ADCK1: variants seen among roughly 807,000 people sequenced by gnomAD.
ADCK1 encodes the protein aarF domain-containing protein kinase 1.
In ADCK1, 41 loss-of-function variants were observed where a neutral mutation model predicts 52.3. The observed-to-expected ratio is 0.78, with a 90% CI of 0.61 to 1.02. ADCK1 has a LOEUF of 1.02. ADCK1 is among the 50% of genes least tolerant of loss of function. ADCK1 has a pLI of 0.00. For missense variants in ADCK1, 658 were observed against 679.5 expected (o/e 0.97, Z 0.35); for synonymous variants, 250 against 274.6 (o/e 0.91, Z 0.89).
chr14:77,831,227 G>A (rs1566646213), intron 3 of ADCK1, among the ~76,000 whole-genome samples: 2 of 152,142 alleles, frequency 1.3e-5, no homozygotes, highest in South Asian at 4.1e-4. Flanking sequence ...GAGAGGAAGG[G>A]GTGAGCTGAG....
At chr14:77,848,712 C>T (rs1013674019) in intron 3 of ADCK1, among the ~76,000 whole-genome samples, 4 of 152,140 alleles carry the variant, frequency 2.6e-5, no homozygotes, top group Admixed American at 6.5e-5. Flanking sequence ...GTGATCCTCT[C>T]ACCTCAGCCT....
At chr14:77,839,194 G>T (rs1230245767) in intron 3 of ADCK1, among the ~76,000 whole-genome samples, 5 of 152,214 alleles carry the variant, frequency 3.3e-5, no homozygotes, top group Admixed American at 3.3e-4. Flanking sequence ...ATGTTTTTCA[G>T]CTGAAACTGA....
intron 4 of ADCK1, among the ~76,000 whole-genome samples, chr14:77,863,996 T>A (rs1242646742): frequency 6.6e-6 from 1 of 152,136 alleles, no homozygotes; most frequent in Non-Finnish European, 1.5e-5. Context: ...AATGCTTATA[T>A]TGGTGTCTGG....
At chr14:77,899,377 T>TCAGTAAGAGGA in intron 6 of ADCK1, 119 bp downstream of exon 6, 2 of 1,330,198 alleles carry the variant, frequency 1.5e-6, no homozygotes, top group Non-Finnish European at 2.1e-6. Flanking sequence ...TCCTGAGTCC[T>TCAGTAAGAGGA]CTTACTGAGG....
intron 1 of ADCK1, among the ~76,000 whole-genome samples, chr14:77,805,352 C>T (rs1214904722): frequency 1.4e-5 from 2 of 145,206 alleles, no homozygotes; most frequent in Non-Finnish European, 3.0e-5. Flanking sequence ...ACCTCCGCCA[C>T]CTGGGTTCAA....
intron 3 of ADCK1, among the ~76,000 whole-genome samples, chr14:77,855,143 A>G (rs2082391944): frequency 6.6e-6 from 1 of 152,234 alleles, no homozygotes; most frequent in South Asian, 2.1e-4. Flanking sequence ...GTGGCCTGGC[A>G]TGGCATGCCA....
At chr14:77,809,162 T>TG (rs72138336) in intron 1 of ADCK1, among the ~76,000 whole-genome samples, 4,436 of 151,834 alleles carry the variant, frequency 0.029, 212 homozygotes, top group African/African-American at 0.099. Context: ...TTGTGGTAGG[T>TG]GGAGAGGTGA....
At chr14:77,838,968 A>G (rs574656485) in intron 3 of ADCK1, among the ~76,000 whole-genome samples, 1 of 152,354 alleles carries the variant, frequency 6.6e-6, no homozygotes, top group East Asian at 1.9e-4. Context: ...CCAGGAGGAT[A>G]GGGGACTTGT....
At chr14:77,872,204 C>T (rs2082794294) in intron 4 of ADCK1, among the ~76,000 whole-genome samples, 1 of 152,208 alleles carries the variant, frequency 6.6e-6, no homozygotes, top group South Asian at 2.1e-4. Flanking sequence ...TTTCCCATCA[C>T]TTCCAGACAT....
At chr14:77,844,011 A>G (rs901162690) in intron 3 of ADCK1, among the ~76,000 whole-genome samples, 1 of 152,160 alleles carries the variant, frequency 6.6e-6, no homozygotes, top group Non-Finnish European at 1.5e-5. Context: ...CTCTGGCTGG[A>G]AAGAGACAGG....
At chr14:77,848,679 T>A (rs191783673) in intron 3 of ADCK1, among the ~76,000 whole-genome samples, 1 of 152,136 alleles carries the variant, frequency 6.6e-6, no homozygotes, top group Non-Finnish European at 1.5e-5. Flanking sequence ...TTGGCCAGGA[T>A]GATCTCCAAC....
At chr14:77,813,706 G>C (rs977055911) in intron 1 of ADCK1, among the ~76,000 whole-genome samples, 1 of 152,132 alleles carries the variant, frequency 6.6e-6, no homozygotes, top group Non-Finnish European at 1.5e-5. Context: ...GCATGTTTTT[G>C]GGGAATATTC....
intron 3 of ADCK1, among the ~76,000 whole-genome samples, chr14:77,843,073 G>A (rs2082109656): frequency 6.6e-6 from 1 of 151,534 alleles, no homozygotes; most frequent in African/African-American, 2.4e-5. Flanking sequence ...AATTTTTTTT[G>A]TAGACATGGG....
intron 5 of ADCK1, among the ~76,000 whole-genome samples, chr14:77,892,398 G>A (rs2140221554): frequency 6.6e-6 from 1 of 152,230 alleles, no homozygotes; most frequent in South Asian, 2.1e-4. Flanking sequence ...AACTGAAAGT[G>A]GTATAGCTAA....
At chr14:77,877,719 C>T (rs756096618) in intron 4 of ADCK1, among the ~76,000 whole-genome samples, 2 of 152,218 alleles carry the variant, frequency 1.3e-5, no homozygotes, top group Non-Finnish European at 2.9e-5. Flanking sequence ...ATTCTCCTGC[C>T]TCAGCCTCCC....
intron 7 of ADCK1, among the ~76,000 whole-genome samples, chr14:77,914,903 G>A (rs917287341): frequency 1.3e-5 from 2 of 151,994 alleles, no homozygotes; most frequent in East Asian, 3.9e-4. Context: ...ACTTGGAGTT[G>A]GGTAATAGTC....
chr14:77,892,479 A>G lies in ADCK1; in HGVS notation c.582+5230A>G, dbSNP rs151176813. 8.7e-3 allele frequency among the ~76,000 whole-genome samples: 1,318 copies of G among 152,286 alleles called. 16 individuals are homozygous for G. The highest frequency in any genetic ancestry group is 0.03 in the African/African-American group (1,256 of 41,560). Reference sequence around the variant, plus strand: ...TCAGCTGTTCCAAGGCTGACAGCCCAGCACCTCATTGTTTGTAATGACTCA... The same window carrying G: ...TCAGCTGTTCCAAGGCTGACAGCCCGGCACCTCATTGTTTGTAATGACTCA... On this transcript the variant is annotated intron_variant, in intron 5 of 10. Transcript: ENST00000238561.
intron 3 of ADCK1, among the ~76,000 whole-genome samples, chr14:77,836,275 A>T (rs1286631761): frequency 6.6e-6 from 1 of 152,212 alleles, no homozygotes; most frequent in Non-Finnish European, 1.5e-5. Flanking sequence ...AGAACTATTT[A>T]AAACAATGTT....
chr14:77,890,886 C>T (rs1000923923), intron 5 of ADCK1, among the ~76,000 whole-genome samples: 2 of 152,004 alleles, frequency 1.3e-5, no homozygotes, highest in African/African-American at 4.8e-5. Context: ...TCAGTGGAAT[C>T]GTAGCTGATG....
Sources: gnomAD v4.1 joint callset for allele counts (sites outside exome capture counted in the v4.1 genomes callset) on GRCh38, gnomAD v4.1.1 for gene constraint, MANE v1.5 for transcripts, NCBI Gene and HGNC (gene_info 2026-07-23, HGNC 2026-07-21) for gene names.